FUT8: variants seen among roughly 807,000 people sequenced by gnomAD.
FUT8 encodes fucosyltransferase 8, also known as alpha-(1,6)-fucosyltransferase.
A neutral mutation model predicts 71.3 loss-of-function variants in FUT8; 29 were observed. The observed-to-expected ratio is 0.41, with a 90% CI of 0.30 to 0.55. The LOEUF (loss-of-function observed/expected upper bound fraction) is 0.55, where lower values mean the gene tolerates loss of function less well. Among genes scored for constraint, FUT8 ranks in the 20% least tolerant of loss-of-function variants. The pLI is 0.34. For missense variants in FUT8, 544 were observed against 702.1 expected (o/e 0.77, Z 2.55); for synonymous variants, 254 against 239.3 (o/e 1.06, Z -0.57).
intron 2 of FUT8, among the ~76,000 whole-genome samples, chr14:65,471,495 C>T (rs1053880717): frequency 2.6e-5 from 4 of 151,950 alleles, no homozygotes; most frequent in East Asian, 1.9e-4. Context: ...AGGTAAAACT[C>T]AGGAAAGTAT....
At chr14:65,671,028 T>G (rs891309586) in intron 7 of FUT8, among the ~76,000 whole-genome samples, 1 of 152,200 alleles carries the variant, frequency 6.6e-6, no homozygotes, top group African/African-American at 2.4e-5. Context: ...AGATTAGTTA[T>G]AAAGGTTAGG....
intron 7 of FUT8, among the ~76,000 whole-genome samples, chr14:65,705,805 G>A (rs896319349): frequency 3.3e-5 from 5 of 152,180 alleles, no homozygotes; most frequent in Non-Finnish European, 5.9e-5. Context: ...ACTCTTCATT[G>A]TAGTCATTTA....
chr14:65,492,504 C>G (rs1410141987), intron 2 of FUT8, among the ~76,000 whole-genome samples: 1 of 152,152 alleles, frequency 6.6e-6, no homozygotes, highest in East Asian at 1.9e-4. Context: ...CTTCCTTTTT[C>G]TGTACATCAC....
intron 7 of FUT8, among the ~76,000 whole-genome samples, chr14:65,716,206 G>A (rs558077179): frequency 7.2e-5 from 11 of 152,224 alleles, no homozygotes; most frequent in African/African-American, 2.4e-4. Flanking sequence ...GTCCAATTCT[G>A]AAAGTGAGGT....
intron 7 of FUT8, among the ~76,000 whole-genome samples, chr14:65,679,538 A>C (rs1566892027): frequency 1.3e-5 from 2 of 152,214 alleles, no homozygotes; most frequent in Non-Finnish European, 2.9e-5. Context: ...AATTGAGTTC[A>C]TTCAACTATT....
chr14:65,589,402 G>A (rs1887559869), intron 3 of FUT8, among the ~76,000 whole-genome samples: 1 of 146,054 alleles, frequency 6.8e-6, no homozygotes, highest in Admixed American at 6.8e-5. Context: ...CCTTTGCTTT[G>A]ATATTCACCC....
At chr14:65,503,559 C>T (rs2066680179) in intron 2 of FUT8, among the ~76,000 whole-genome samples, 1 of 152,140 alleles carries the variant, frequency 6.6e-6, no homozygotes, top group African/African-American at 2.4e-5. Context: ...CTAGATTTTA[C>T]TTTCAGTAAT....
intron 2 of FUT8, among the ~76,000 whole-genome samples, chr14:65,509,052 T>C (rs1426161821): frequency 2.6e-5 from 4 of 152,190 alleles, no homozygotes; most frequent in Non-Finnish European, 5.9e-5. Flanking sequence ...ATTTCATAGT[T>C]TGAGGTCTTA....
At chr14:65,736,269 T>C (rs1047383189) in intron 10 of FUT8, among the ~76,000 whole-genome samples, 2 of 151,978 alleles carry the variant, frequency 1.3e-5, no homozygotes, top group Non-Finnish European at 2.9e-5. Flanking sequence ...GCTGCTATTA[T>C]TATATATATG....
chr14:65,693,215 C>A (rs1893792696), intron 7 of FUT8, among the ~76,000 whole-genome samples: 2 of 152,222 alleles, frequency 1.3e-5, no homozygotes, highest in African/African-American at 4.8e-5. Flanking sequence ...AGCCTGGGCA[C>A]CATTGAGCAC....
At chr14:65,560,444 G>A (rs1174271036) in intron 2 of FUT8, among the ~76,000 whole-genome samples, 1 of 152,118 alleles carries the variant, frequency 6.6e-6, no homozygotes, top group Non-Finnish European at 1.5e-5. Context: ...TCCTTCTAAA[G>A]TGCAGGGATT....
chr14:65,428,836 T>G (rs949738704), intron 1 of FUT8, among the ~76,000 whole-genome samples: 3 of 152,194 alleles, frequency 2.0e-5, no homozygotes, highest in African/African-American at 7.2e-5. Flanking sequence ...GTTTTTTGTT[T>G]TGGGAGTAGA....
chr14:65,488,588 G>A (rs1267084382), intron 2 of FUT8: 1 of 152,212 alleles, frequency 6.6e-6, no homozygotes, highest in Admixed American at 6.5e-5. Context: ...CTACAGGTGA[G>A]CCAATTTCCT....
chr14:65,621,486 G>C (rs1034903373), intron 5 of FUT8, among the ~76,000 whole-genome samples: 1 of 152,054 alleles, frequency 6.6e-6, no homozygotes, highest in Non-Finnish European at 1.5e-5. Context: ...TTGACCTTGT[G>C]ATCTGCCCGC....
At chr14:65,512,565 G>A (rs1476566156) in intron 2 of FUT8, among the ~76,000 whole-genome samples, 2 of 152,062 alleles carry the variant, frequency 1.3e-5, no homozygotes, top group Non-Finnish European at 2.9e-5. Context: ...ACAAGTTACT[G>A]AACGTTCTAA....
At chr14:65,458,904 TCA>T (rs1191321676) in intron 2 of FUT8, among the ~76,000 whole-genome samples, 3 of 151,410 alleles carry the variant, frequency 2.0e-5, no homozygotes, top group African/African-American at 4.9e-5. Context: ...TTCTCATGCC[TCA>T]GACTCCCAAA....
chr14:65,407,032 T>C (rs367958933), upstream of FUT8, among the ~76,000 whole-genome samples: 4 of 152,138 alleles, frequency 2.6e-5, no homozygotes, highest in African/African-American at 4.8e-5. Context: ...AGCACTTAGG[T>C]TCCCGCTGTA....
At chr14:65,656,221 C>CAA (rs1259066640) in intron 6 of FUT8, among the ~76,000 whole-genome samples, 1 of 144,796 alleles carries the variant, frequency 6.9e-6, no homozygotes, top group African/African-American at 2.5e-5. Flanking sequence ...AAGACTCTTC[C>CAA]AAAAAAAAAA....
the FUT8 span, among the ~76,000 whole-genome samples, chr14:65,370,962 G>A: frequency 6.6e-6 from 1 of 152,184 alleles, no homozygotes; most frequent in Non-Finnish European, 1.5e-5. Context: ...ACTGTGGGAC[G>A]CTAAATATAT....
Sources: allele counts gnomAD v4.1 joint callset (sites outside exome capture counted in the v4.1 genomes callset), GRCh38; gene constraint gnomAD v4.1.1; transcripts MANE v1.5; gene names NCBI Gene and HGNC (gene_info 2026-07-23, HGNC 2026-07-21).